The following ARAP2 variants were observed in gnomAD, a reference collection of about 807,000 sequenced individuals.
The protein encoded by ARAP2 is arf-GAP with Rho-GAP domain, ANK repeat and PH domain-containing protein 2.
ARAP2 carries 148 observed loss-of-function variants against 194.5 expected under a neutral mutation model. That is an observed-to-expected ratio of 0.76 (90% confidence interval 0.67 to 0.87). The LOEUF is 0.87. Among genes scored for constraint, ARAP2 ranks in the 40% least tolerant of loss-of-function variants. The pLI, the probability that ARAP2 is intolerant of heterozygous loss-of-function variation, is 0.00. For synonymous variants in ARAP2, 695 were observed against 683.5 expected (o/e 1.02, Z -0.26); for missense variants, 2,128 against 1,989.7 (o/e 1.07, Z -1.32).
chr4:36,239,024 C>T (rs1752991847), intron 1 of ARAP2, among the ~76,000 whole-genome samples: 1 of 151,998 alleles, frequency 6.6e-6, no homozygotes, highest in Non-Finnish European at 1.5e-5. Context: ...CTGTAATCCC[C>T]ATACACTTTG....
In ARAP2 at chr4:36,083,405, A is replaced by G; in HGVS notation, c.4471T>C (p.Tyr1491His). ...KMFSLSSMKF[Y>H]RGVKKKMKPP... ...TTCATTTTCTTTTTCACTCCACGAT[A>G]AAACTTCATGGAACTGAGAGAAAAC... Residue 1491 changes from tyrosine to histidine, a missense_variant, in exon 29 of 33, where the codon TAT (tyrosine) becomes CAT (histidine). By Grantham distance (83) the Tyr-to-His change is moderately conservative. Coordinates refer to ENST00000303965, the MANE Select transcript of ARAP2 (RefSeq NM_015230.4). 6.2e-7 allele frequency: 1 copy of G among 1,608,828 alleles called. No homozygotes were observed. The highest frequency in any genetic ancestry group is 8.5e-7 in the Non-Finnish European group (1 of 1,178,042).
At chr4:36,232,485 C>A (rs1751676899) in intron 1 of ARAP2, among the ~76,000 whole-genome samples, 1 of 152,212 alleles carries the variant, frequency 6.6e-6, no homozygotes. Flanking sequence ...ACACCATGCT[C>A]ATATTTCCTA....
intron 19 of ARAP2, among the ~76,000 whole-genome samples, chr4:36,146,581 T>A (rs1409048098): frequency 1.3e-5 from 2 of 152,036 alleles, no homozygotes; most frequent in African/African-American, 4.8e-5. Flanking sequence ...ACACCTGAAA[T>A]ACTCTATCTG....
chr4:36,061,026 T>C (rs1724340845), downstream of ARAP2, among the ~76,000 whole-genome samples: 2 of 152,308 alleles, frequency 1.3e-5, no homozygotes, highest in Middle Eastern at 3.4e-3. Flanking sequence ...ACATATGTTT[T>C]AAAGGATGAA....
chr4:36,105,722 C>T (rs911601825), intron 27 of ARAP2, among the ~76,000 whole-genome samples: 33 of 151,856 alleles, frequency 2.2e-4, no homozygotes, highest in African/African-American at 5.3e-4. Flanking sequence ...AGCCATGCCC[C>T]GAAGATTAAT....
intron 25 of ARAP2, among the ~76,000 whole-genome samples, 158 bp from the exon 26 acceptor site, chr4:36,114,445 G>A (rs766854385): frequency 1.3e-5 from 2 of 151,918 alleles, no homozygotes; most frequent in Non-Finnish European, 2.9e-5. Flanking sequence ...AAAACAGCAT[G>A]TTCAGATCTT....
chr4:36,103,300 T>C (rs1234762144), intron 27 of ARAP2, among the ~76,000 whole-genome samples: 1 of 151,724 alleles, frequency 6.6e-6, no homozygotes, highest in Non-Finnish European at 1.5e-5. Context: ...ATCATTAAAA[T>C]TTCATTCTCA....
intron 19 of ARAP2, among the ~76,000 whole-genome samples, chr4:36,145,359 G>A (rs1729397941): frequency 2.6e-5 from 4 of 152,044 alleles, no homozygotes; most frequent in Admixed American, 2.6e-4. Flanking sequence ...AAATAGGAAT[G>A]AAGTCAAGTC....
intron 32 of ARAP2, 42 bp from the exon 33 acceptor site, chr4:36,068,320 G>A: frequency 6.7e-7 from 1 of 1,493,606 alleles, no homozygotes; most frequent in Non-Finnish European, 8.9e-7. Flanking sequence ...GCAAGATTTG[G>A]CACAATTTAG....
At chr4:36,028,191 A>G (rs2109355745) in intron 5 of ARAP2, among the ~76,000 whole-genome samples, 1 of 152,286 alleles carries the variant, frequency 6.6e-6, no homozygotes, top group East Asian at 1.9e-4. Context: ...TATTAAAATT[A>G]TGTATGATTC....
intron 28 of ARAP2, 92 bp from the exon 29 acceptor site, chr4:36,083,542 A>G: frequency 1.1e-6 from 1 of 880,886 alleles, no homozygotes. Context: ...AGAATTGTTT[A>G]GTTTCTCAGT....
intron 19 of ARAP2, among the ~76,000 whole-genome samples, chr4:36,137,471 G>T (rs1194157060): frequency 1.3e-5 from 2 of 151,718 alleles, no homozygotes; most frequent in Non-Finnish European, 2.9e-5. Flanking sequence ...TGGACATTTT[G>T]TTTCCTTCTT....
intron 1 of ARAP2, among the ~76,000 whole-genome samples, chr4:36,231,946 G>A (rs924756243): frequency 3.3e-5 from 5 of 152,170 alleles, no homozygotes; most frequent in African/African-American, 9.7e-5. Context: ...AGGTCATCAG[G>A]AAAGGACCTT....
At position 36,243,866 on chromosome 4, in the gene ARAP2, A is replaced by G. The variant is rs189713029; in HGVS notation, c.-160+313T>C. On this transcript the variant is annotated intron_variant, in intron 1 of 32. Transcript: ENST00000303965. ...CCGAGTAAATAACTTGGTGCCTGAA[A>G]CTCACTACAGCTTCTTCTTATTTAA... The G allele has an allele frequency of 4.6e-5, 7 of 152,348 alleles. No individual in the cohort carries two copies. In the East Asian group the frequency reaches 1.4e-3, roughly 29 times the overall value. 9.4% of individuals were successfully genotyped at this position (152,348 alleles called of 1,614,324 possible).
At chr4:36,173,981 G>A (rs926682948) in intron 9 of ARAP2, among the ~76,000 whole-genome samples, 16 of 152,154 alleles carry the variant, frequency 1.1e-4, no homozygotes, top group Non-Finnish European at 7.3e-5. Context: ...TCATCAGAAA[G>A]GAAGACAAGG....
chr4:36,091,882 T>C lies in ARAP2; in HGVS notation c.4424A>G (p.Lys1475Arg), dbSNP rs1577840929. Residue 1475 changes from lysine to arginine, a missense_variant and splice_region_variant, in exon 28 of 33, where the codon AAG becomes AGG. Transcript: ENST00000303965. The part of the protein sequence containing the change: ...DGFLFLYKDV[K>R]SSKHDKMFSL... ...TGTACGCATGTTCAAATACTATACC[T>C]TCACATCCTTGTAAAGAAAGAGAAA... 1 of 1,599,912 alleles carries C rather than the reference T, an allele frequency of 6.3e-7. No individual in the cohort carries two copies. The highest frequency in any genetic ancestry group is 2.2e-5 in the East Asian group (1 of 44,462).
Position 36,082,298 on chromosome 4 carries a change from A to AG in ARAP2, c.4509-13dup. ...CGGTCAATCCCCAGCTGCATCACAT[A>AG]GAAAAAAAAACACACATAAATTAAA... On this transcript the variant is annotated splice_polypyrimidine_tract_variant and intron_variant, in intron 29 of 32. Coordinates refer to ENST00000303965, the MANE Select transcript of ARAP2 (RefSeq NM_015230.4). The AG allele has an allele frequency of 6.2e-7, 1 of 1,604,906 alleles. No individual in the cohort carries two copies. Among genetic ancestry groups the AG allele is most frequent in the Non-Finnish European group, 8.5e-7 (1 of 1,176,528 alleles).
At chr4:36,083,316 A>T (rs1730042749) in intron 29 of ARAP2, 52 bp downstream of exon 29, 1 of 1,279,666 alleles carries the variant, frequency 7.8e-7, no homozygotes, top group Non-Finnish European at 1.1e-6. Flanking sequence ...CCTTAAATAG[A>T]CATATTTTTC....
At chr4:36,147,455 G>A in intron 18 of ARAP2, 93 bp downstream of exon 18, 1 of 1,549,856 alleles carries the variant, frequency 6.5e-7, no homozygotes, top group Non-Finnish European at 8.9e-7. Flanking sequence ...TCATAAGTTT[G>A]GGAGTAAGCC....
Sources: gnomAD v4.1 joint callset for allele counts (sites outside exome capture counted in the v4.1 genomes callset) on GRCh38, gnomAD v4.1.1 for gene constraint, MANE v1.5 for transcripts, NCBI Gene and HGNC (gene_info 2026-07-23, HGNC 2026-07-21) for gene names.